The following PTPN3 variants were observed in gnomAD, a reference collection of about 807,000 sequenced individuals.
The protein encoded by PTPN3 is tyrosine-protein phosphatase non-receptor type 3.
In PTPN3, 96 loss-of-function variants were observed where a neutral mutation model predicts 132.7. That is an observed-to-expected ratio of 0.72 (90% confidence interval 0.61 to 0.86). The LOEUF (loss-of-function observed/expected upper bound fraction) is 0.86, where lower values mean the gene tolerates loss of function less well. Ranked by LOEUF, PTPN3 falls within the 40% of genes least tolerant of loss-of-function variation. The pLI is 0.00. For synonymous variants in PTPN3, 398 were observed against 429.0 expected, an observed-to-expected ratio of 0.93 and a Z score of 0.89; for missense variants, 1,125 against 1,159.6, an observed-to-expected ratio of 0.97 and a Z score of 0.43.
the PTPN3 span, among the ~76,000 whole-genome samples, chr9:109,523,888 T>C: frequency 2.0e-5 from 3 of 152,122 alleles, no homozygotes; most frequent in Non-Finnish European, 4.4e-5. Context: ...AACCCCTTGG[T>C]CTGTTTGCAA....
the PTPN3 span, among the ~76,000 whole-genome samples, chr9:109,530,411 T>C: frequency 6.6e-6 from 1 of 152,230 alleles, no homozygotes; most frequent in Admixed American, 6.5e-5. Flanking sequence ...CCTTCCTTTT[T>C]AAGGCTGAAT....
At chr9:109,431,259 C>T (rs1843644886) in intron 10 of PTPN3, among the ~76,000 whole-genome samples, 1 of 152,258 alleles carries the variant, frequency 6.6e-6, no homozygotes, top group African/African-American at 2.4e-5. Context: ...TCTCCCACTT[C>T]TCTCTCCTGC....
chr9:109,537,766 A>T, the PTPN3 span, among the ~76,000 whole-genome samples: 1 of 152,204 alleles, frequency 6.6e-6, no homozygotes, highest in East Asian at 1.9e-4. Context: ...ACTGAAGCTC[A>T]TTTGTAGGCA....
At chr9:109,467,936 G>A (rs1011864653) in intron 1 of PTPN3, among the ~76,000 whole-genome samples, 2 of 152,122 alleles carry the variant, frequency 1.3e-5, no homozygotes, top group Non-Finnish European at 2.9e-5. Flanking sequence ...TCATAAATAG[G>A]TATTTTATGA....
the PTPN3 span, among the ~76,000 whole-genome samples, chr9:109,517,253 A>G: frequency 6.6e-6 from 1 of 152,190 alleles, no homozygotes. Flanking sequence ...TTGTGTGGCC[A>G]GAACTCTCCA....
chr9:109,382,332 A>G lies in PTPN3; in HGVS notation c.2498T>C (p.Val833Ala). Residue 833 changes from valine (V) to alanine (A), a missense_variant, in exon 24 of 26, where the codon GTG becomes GCG. Val to Ala is a moderately conservative substitution (Grantham distance 64). Coordinates refer to ENST00000374541, the MANE Select transcript of PTPN3 (RefSeq NM_002829.4). ...GTGAACTAGGACGGGCTCGCTGTCC[A>G]CTCTCAGAGACCTCACATAGTTTAC... is the stretch of plus-strand genomic sequence containing the variant. Reference protein sequence around the residue: ...EFVNYVRSLRVDSEPVLVHCS... With the variant: ...EFVNYVRSLRADSEPVLVHCS... 1.9e-6 allele frequency: 3 copies of G among 1,613,972 alleles called. No homozygotes were observed. The highest frequency in any genetic ancestry group is 2.5e-6 in the Non-Finnish European group (3 of 1,179,942).
At chr9:109,472,507 T>C (rs797019325) in intron 1 of PTPN3, among the ~76,000 whole-genome samples, 7 of 152,400 alleles carry the variant, frequency 4.6e-5, no homozygotes, top group African/African-American at 9.6e-5. Flanking sequence ...AATTAAAAAT[T>C]AGTCATTTCA....
chr9:109,429,003 T>C, intron 10 of PTPN3: 1 of 985,390 alleles, frequency 1.0e-6, no homozygotes, highest in Non-Finnish European at 1.2e-6. Context: ...GGTATATACA[T>C]GGGGAAGACA....
At chr9:109,399,350 T>C (rs746081978) in intron 19 of PTPN3, among the ~76,000 whole-genome samples, 8 of 152,194 alleles carry the variant, frequency 5.3e-5, no homozygotes, top group Admixed American at 1.3e-4. Context: ...TATATTCTAA[T>C]TGTGGCTCTA....
chr9:109,493,060 T>C (rs1564489480), intron 1 of PTPN3, among the ~76,000 whole-genome samples: 1 of 152,220 alleles, frequency 6.6e-6, no homozygotes, highest in Non-Finnish European at 1.5e-5. Context: ...TTTTATATTT[T>C]ATTTGACTTT....
intron 14 of PTPN3, among the ~76,000 whole-genome samples, chr9:109,418,326 A>C (rs569676433): frequency 6.6e-6 from 1 of 152,316 alleles, no homozygotes; most frequent in East Asian, 1.9e-4. Flanking sequence ...CAAGCCCTCT[A>C]AAGTGCCTGC....
chr9:109,428,582 T>A, intron 11 of PTPN3, 39 bp downstream of exon 11: 1 of 1,595,502 alleles, frequency 6.3e-7, no homozygotes, highest in South Asian at 1.1e-5. Context: ...CACACATACA[T>A]ATGCACGAAA....
intron 19 of PTPN3, among the ~76,000 whole-genome samples, chr9:109,396,182 G>C (rs774545642): frequency 1.3e-4 from 20 of 152,076 alleles, no homozygotes; most frequent in Admixed American, 1.3e-3. Context: ...AAAATTTATC[G>C]ACTCTTCTCC....
At chr9:109,431,550 G>A (rs189892655) in intron 10 of PTPN3, among the ~76,000 whole-genome samples, 27 of 152,282 alleles carry the variant, frequency 1.8e-4, no homozygotes, top group African/African-American at 6.5e-4. Flanking sequence ...TTCCTCTGAG[G>A]GGCTTCTAAA....
At chr9:109,447,771 C>A (rs1844959409) in intron 6 of PTPN3, among the ~76,000 whole-genome samples, 1 of 152,214 alleles carries the variant, frequency 6.6e-6, no homozygotes, top group Admixed American at 6.5e-5. Context: ...TTCCCTTGTG[C>A]ACAATGATAC....
rs1156941196 is a variant in PTPN3, at chr9:109,416,451, C to CT, written c.1313+3972dup. Among the ~76,000 whole-genome samples the CT allele has an allele frequency of 1.7e-3, 227 of 132,582 alleles. 1 individual carries two copies. Among genetic ancestry groups the CT allele is most frequent in the Middle Eastern group, 3.7e-3 (1 of 268 alleles). 87.0% of individuals were successfully genotyped at this position (132,582 alleles called of 152,430 possible). On this transcript the variant is annotated intron_variant, in intron 14 of 25. Coordinates refer to ENST00000374541, the MANE Select transcript of PTPN3 (RefSeq NM_002829.4). ...TTTTTTGTTTTTTGTTTTTTTGTTT[C>CT]TTTTTTTTTTTTTTGACAGGGTCTC...
intron 1 of PTPN3, among the ~76,000 whole-genome samples, chr9:109,470,933 G>C (rs1846349239): frequency 6.6e-6 from 1 of 152,102 alleles, no homozygotes; most frequent in South Asian, 2.1e-4. Context: ...GTTCAGTAAG[G>C]GCCCAGGAAA....
intron 1 of PTPN3, among the ~76,000 whole-genome samples, chr9:109,469,992 C>G (rs928097337): frequency 6.6e-6 from 1 of 152,064 alleles, no homozygotes; most frequent in Non-Finnish European, 1.5e-5. Context: ...GCGCAGTCCC[C>G]TTTTCCCAAT....
At chr9:109,537,222 C>T in the PTPN3 span, among the ~76,000 whole-genome samples, 1 of 152,116 alleles carries the variant, frequency 6.6e-6, no homozygotes, top group Admixed American at 6.5e-5. Flanking sequence ...TAAGGATTTA[C>T]ATAGCAACTT....
Sources: gnomAD v4.1 joint callset for allele counts (sites outside exome capture counted in the v4.1 genomes callset) on GRCh38, gnomAD v4.1.1 for gene constraint, MANE v1.5 for transcripts, NCBI Gene and HGNC (gene_info 2026-07-23, HGNC 2026-07-21) for gene names.